Variants in LRRC1 observed in about 807,000 individuals in gnomAD.
LRRC1 encodes the protein leucine-rich repeat-containing protein 1.
Under a neutral mutation model 69.9 loss-of-function variants are expected in LRRC1, and 28 were observed. The observed-to-expected ratio is 0.40, with a 90% confidence interval of 0.30 to 0.55. LRRC1 has a LOEUF of 0.55. LRRC1 is among the 20% of genes least tolerant of loss of function. LRRC1 has a pLI of 0.47. For synonymous variants in LRRC1, 236 were observed against 240.2 expected (o/e 0.98, Z 0.16); for missense variants, 498 against 609.0 (o/e 0.82, Z 1.92).
chr6:53,820,161 A>T (rs6924025), intron 1 of LRRC1, among the ~76,000 whole-genome samples: 126,364 of 151,852 alleles, frequency 0.83, 52,775 homozygotes, highest in East Asian at 0.96. Flanking sequence ...CAGTTGATTT[A>T]CATACAACTT....
At chr6:53,918,997 T>C (rs1768652951) in intron 11 of LRRC1, 1 of 152,296 alleles carries the variant, frequency 6.6e-6, no homozygotes, top group African/African-American at 2.4e-5. Flanking sequence ...TTATTTTGGC[T>C]GCAACTTAAA....
At chr6:53,805,899 G>C (rs1426816726) in intron 1 of LRRC1, among the ~76,000 whole-genome samples, 1 of 152,240 alleles carries the variant, frequency 6.6e-6, no homozygotes, top group Non-Finnish European at 1.5e-5. Context: ...GCAGGATACA[G>C]TCTGGCGGCA....
chr6:53,869,533 C>G (rs1377720120), intron 2 of LRRC1, among the ~76,000 whole-genome samples: 3 of 152,134 alleles, frequency 2.0e-5, no homozygotes, highest in African/African-American at 7.2e-5. Flanking sequence ...CTTAGTGGTA[C>G]AATAGAGATA....
At chr6:53,900,501 A>G (rs775725930) in intron 8 of LRRC1, among the ~76,000 whole-genome samples, 3 of 152,192 alleles carry the variant, frequency 2.0e-5, no homozygotes, top group African/African-American at 4.8e-5. Context: ...CAATGATTTC[A>G]TGAGGGATTA....
intron 2 of LRRC1, among the ~76,000 whole-genome samples, chr6:53,865,729 C>T (rs1345197856): frequency 1.4e-5 from 2 of 147,716 alleles, no homozygotes; most frequent in Non-Finnish European, 1.5e-5. Context: ...CTCAGTCTTT[C>T]TTTTTTTTTT....
At chr6:53,798,737 AAC>A (rs1434240858) in intron 1 of LRRC1, among the ~76,000 whole-genome samples, 3 of 152,318 alleles carry the variant, frequency 2.0e-5, no homozygotes, top group East Asian at 3.9e-4. Flanking sequence ...TTGCTCAATA[AAC>A]AGTTATTTAT....
rs540816351 is a variant in LRRC1 at position 53,920,760 on chromosome 6, C to T, written c.1415C>T (p.Thr472Met). 44 of 1,613,988 alleles carry T rather than the reference C, an allele frequency of 2.7e-5. No homozygotes were observed. In the South Asian group the frequency reaches 3.3e-4, roughly 12 times the overall value. The change falls in exon 13 of 14, where the codon ACG becomes ATG. Residue 472 changes from threonine to methionine, a missense_variant and splice_region_variant. Transcript: ENST00000370888. ...EDEKDEEDNE[T>M]RTLLRRATPH... ...GAGAAAGATGAAGAAGACAATGAGACGGTATGGAAATGCAGATTCTTTGCC... is the reference window on the plus strand; with the variant it reads ...GAGAAAGATGAAGAAGACAATGAGATGGTATGGAAATGCAGATTCTTTGCC...
chr6:53,849,865 G>C (rs1029949917), intron 2 of LRRC1, among the ~76,000 whole-genome samples: 1 of 152,134 alleles, frequency 6.6e-6, no homozygotes, highest in African/African-American at 2.4e-5. Context: ...GCCAATTTGA[G>C]AGGATCACTT....
chr6:53,835,943 G>C (rs1765601309), intron 1 of LRRC1, among the ~76,000 whole-genome samples: 1 of 152,038 alleles, frequency 6.6e-6, no homozygotes, highest in South Asian at 2.1e-4. Flanking sequence ...CTTAAATATG[G>C]GCCGACTTTG....
chr6:53,896,609 T>A lies in LRRC1; in HGVS notation c.503+55T>A, dbSNP rs556835220. The A allele has an allele frequency of 6.0e-5, 89 of 1,487,332 alleles. No individual in the cohort carries two copies. The East Asian group carries it at 1.5e-3, about 25-fold the overall frequency. The allele number at this position is 1,487,332 out of a possible 1,614,324, so 92.1% of individuals were successfully genotyped here. A position where few individuals can be genotyped will look rare whatever the true frequency, so the allele number is the denominator to read the frequency against. ...TTTGTGCAGAATGAATTTAAGTATTTAAAAAAACAGGACTACAGTATTACG... is the reference window on the plus strand; with the variant it reads ...TTTGTGCAGAATGAATTTAAGTATTAAAAAAAACAGGACTACAGTATTACG... On this transcript the variant is annotated intron_variant, in intron 5 of 13. Transcript: ENST00000370888.
intron 1 of LRRC1, among the ~76,000 whole-genome samples, chr6:53,813,557 T>TTC (rs1188693083): frequency 5.3e-5 from 8 of 150,744 alleles, no homozygotes; most frequent in Admixed American, 5.3e-4. Flanking sequence ...TTTCTTTTTT[T>TTC]TTCTGGAAAT....
intron 2 of LRRC1, among the ~76,000 whole-genome samples, chr6:53,857,910 G>A (rs546161986): frequency 1.3e-5 from 2 of 152,294 alleles, no homozygotes; most frequent in African/African-American, 4.8e-5. Flanking sequence ...TTATTCTGGT[G>A]GTATGTGTCT....
At chr6:53,856,134 A>G (rs1219044758) in intron 2 of LRRC1, among the ~76,000 whole-genome samples, 1 of 152,276 alleles carries the variant, frequency 6.6e-6, no homozygotes, top group East Asian at 1.9e-4. Flanking sequence ...ATATTTCATT[A>G]TGAATAGCAC....
chr6:53,806,676 C>G (rs1764643113), intron 1 of LRRC1, among the ~76,000 whole-genome samples: 1 of 152,186 alleles, frequency 6.6e-6, no homozygotes, highest in South Asian at 2.1e-4. Context: ...GGCACATACT[C>G]TGTGAGGTTG....
At chr6:53,901,503 A>T (rs1316696115) in intron 8 of LRRC1, among the ~76,000 whole-genome samples, 1 of 151,814 alleles carries the variant, frequency 6.6e-6, no homozygotes, top group Non-Finnish European at 1.5e-5. Context: ...CCGTGATTGT[A>T]CCGGGGTACT....
intron 10 of LRRC1, among the ~76,000 whole-genome samples, chr6:53,913,015 A>G (rs1768460902): frequency 6.6e-6 from 1 of 152,146 alleles, no homozygotes; most frequent in Non-Finnish European, 1.5e-5. Flanking sequence ...ACCACCGCCA[A>G]TTTGTTCAAG....
chr6:53,921,633 G>C (rs143624817), intron 13 of LRRC1, among the ~76,000 whole-genome samples: 1 of 152,330 alleles, frequency 6.6e-6, no homozygotes, highest in Non-Finnish European at 1.5e-5. Flanking sequence ...GACAAGGCTT[G>C]ACATCTTTCT....
At chr6:53,904,704 G>A (rs959522270) in intron 10 of LRRC1, 3 of 253,122 alleles carry the variant, frequency 1.2e-5, no homozygotes, top group Admixed American at 5.4e-5. Flanking sequence ...GAAAGAGATT[G>A]ACATTTTGGG....
intron 1 of LRRC1, among the ~76,000 whole-genome samples, chr6:53,808,990 A>C (rs920852431): frequency 1.3e-5 from 2 of 152,202 alleles, no homozygotes; most frequent in Non-Finnish European, 2.9e-5. Context: ...TGGATTTCCT[A>C]CTTTCAGGAT....
Sources: gnomAD v4.1 joint callset for allele counts (sites outside exome capture counted in the v4.1 genomes callset) on GRCh38, gnomAD v4.1.1 for gene constraint, MANE v1.5 for transcripts, NCBI Gene and HGNC (gene_info 2026-07-23, HGNC 2026-07-21) for gene names.